OXR1: variants seen among roughly 807,000 people sequenced by gnomAD.
OXR1 encodes oxidation resistance protein 1.
A neutral mutation model predicts 104.6 loss-of-function variants in OXR1; 41 were observed. The observed-to-expected ratio is 0.39, with a 90% CI of 0.31 to 0.51. The LOEUF (loss-of-function observed/expected upper bound fraction) is 0.51. OXR1 is among the 20% of genes least tolerant of loss of function. The pLI is 0.77. For missense variants in OXR1, 955 were observed against 1,031.9 expected (o/e 0.93, Z 1.02); for synonymous variants, 348 against 348.4 (o/e 1.00, Z 0.01).
At chr8:106,367,358 C>G (rs115521624) in intron 2 of OXR1, among the ~76,000 whole-genome samples, 7,937 of 151,964 alleles carry the variant, frequency 0.052, 658 homozygotes, top group African/African-American at 0.18. Context: ...CCACCACGCC[C>G]GATCTATGTT....
intron 2 of OXR1, among the ~76,000 whole-genome samples, chr8:106,433,388 T>C (rs146299072): frequency 2.6e-5 from 4 of 152,122 alleles, no homozygotes; most frequent in Non-Finnish European, 4.4e-5. Context: ...CAGGAGCAAT[T>C]TGGGGAGGTT....
At chr8:106,530,256 G>C (rs1211097444) in intron 3 of OXR1, among the ~76,000 whole-genome samples, 1 of 151,572 alleles carries the variant, frequency 6.6e-6, no homozygotes. Flanking sequence ...TTTTTAATTT[G>C]CTTTTCTTCC....
intron 2 of OXR1, among the ~76,000 whole-genome samples, chr8:106,418,190 T>C (rs1389038848): frequency 6.6e-6 from 1 of 152,160 alleles, no homozygotes; most frequent in Non-Finnish European, 1.5e-5. Flanking sequence ...TGTGTTATTG[T>C]CAAAGAATGA....
intron 2 of OXR1, 80 bp from the exon 3 acceptor site, chr8:106,518,863 T>G: frequency 9.6e-7 from 1 of 1,044,416 alleles, no homozygotes. Context: ...ATAACTCAAT[T>G]GTTGAAAAAA....
intron 3 of OXR1, among the ~76,000 whole-genome samples, chr8:106,528,989 T>A (rs1381036948): frequency 6.6e-6 from 1 of 152,236 alleles, no homozygotes; most frequent in Admixed American, 6.5e-5. Flanking sequence ...GTTTGATGGC[T>A]TTTTACATTT....
chr8:106,457,070 A>G (rs1820635919), intron 2 of OXR1, among the ~76,000 whole-genome samples: 1 of 152,192 alleles, frequency 6.6e-6, no homozygotes, highest in Non-Finnish European at 1.5e-5. Flanking sequence ...ATGCCTACTT[A>G]TCTATTAAAG....
At chr8:106,477,451 A>C (rs1438979308) in intron 2 of OXR1, among the ~76,000 whole-genome samples, 1 of 151,962 alleles carries the variant, frequency 6.6e-6, no homozygotes, top group Admixed American at 6.6e-5. Context: ...TGAATACTGC[A>C]TCTTTATGTT....
intron 2 of OXR1, among the ~76,000 whole-genome samples, chr8:106,505,679 G>C (rs1586733208): frequency 6.6e-6 from 1 of 152,312 alleles, no homozygotes; most frequent in East Asian, 1.9e-4. Context: ...GAGCATTCCA[G>C]GTGGAGGTAA....
At chr8:106,505,422 T>C (rs1812093819) in intron 2 of OXR1, among the ~76,000 whole-genome samples, 1 of 152,172 alleles carries the variant, frequency 6.6e-6, no homozygotes, top group Non-Finnish European at 1.5e-5. Context: ...TGAAGTGACT[T>C]CTAAAAGACA....
intron 7 of OXR1, among the ~76,000 whole-genome samples, chr8:106,694,467 A>T (rs1204327460): frequency 8.3e-6 from 1 of 120,600 alleles, no homozygotes; most frequent in Non-Finnish European, 1.6e-5. Context: ...TGATATATAA[A>T]TATATTTATA....
intron 1 of OXR1, among the ~76,000 whole-genome samples, chr8:106,319,563 T>G (rs1354408672): frequency 6.6e-6 from 1 of 152,214 alleles, no homozygotes; most frequent in Non-Finnish European, 1.5e-5. Flanking sequence ...AAAAGCCCTT[T>G]TTGTTGTGAA....
At chr8:106,575,837 A>G (rs1258933251) in intron 3 of OXR1, among the ~76,000 whole-genome samples, 1 of 152,124 alleles carries the variant, frequency 6.6e-6, no homozygotes, top group Non-Finnish European at 1.5e-5. Context: ...TTAATTCTTA[A>G]CCTAGATAAA....
intron 7 of OXR1, among the ~76,000 whole-genome samples, chr8:106,693,715 G>A (rs1829548301): frequency 6.6e-6 from 1 of 152,084 alleles, no homozygotes. Context: ...ACAGGTGTGA[G>A]CCACCGCACC....
chr8:106,447,891 G>A (rs1757435048), intron 2 of OXR1: 4 of 1,500,942 alleles, frequency 2.7e-6, no homozygotes, highest in Middle Eastern at 2.3e-4. Context: ...CCCCCCAACA[G>A]CCGGGCTCCT....
intron 2 of OXR1, among the ~76,000 whole-genome samples, chr8:106,390,387 A>T (rs758610106): frequency 3.9e-5 from 6 of 152,208 alleles, no homozygotes; most frequent in Non-Finnish European, 5.9e-5. Flanking sequence ...TTACACTTAT[A>T]TAATGCTTTC....
intron 1 of OXR1, among the ~76,000 whole-genome samples, chr8:106,359,041 G>A (rs1034948083): frequency 7.3e-6 from 1 of 137,528 alleles, no homozygotes; most frequent in African/African-American, 3.1e-5. Flanking sequence ...TTGTGTCATG[G>A]AATTCTTTTC....
chr8:106,557,642 C>T (rs948781768), intron 3 of OXR1, among the ~76,000 whole-genome samples: 6 of 151,842 alleles, frequency 4.0e-5, no homozygotes, highest in African/African-American at 7.3e-5. Flanking sequence ...ACATAGGATA[C>T]TCTGGCAACA....
Position 106,519,094 on chromosome 8 carries a change from A to C in OXR1, c.175A>C (p.Lys59Gln). Residue 59 changes from lysine (K) to glutamine (Q), a missense_variant, in exon 3 of 17, where the codon AAA (lysine) becomes CAA (glutamine). By Grantham distance (53) the Lys-to-Gln change is moderately conservative. This residue lies in a region of OXR1 where 849 missense variants were observed against 852.9 expected (regional missense o/e 1.00). Transcript: ENST00000517566. ...GCAGAACAATGCAGCAAATACTCAGAAACATCCTTCCAGAAGGAGCGAACT... is the reference window on the plus strand; with the variant it reads ...GCAGAACAATGCAGCAAATACTCAGCAACATCCTTCCAGAAGGAGCGAACT... ...EEQNNAANTQ[K>Q]HPSRRSELKR... 1 of 1,552,246 alleles carries C rather than the reference A, an allele frequency of 6.4e-7. No homozygotes were observed. Among genetic ancestry groups the C allele is most frequent in the Non-Finnish European group, 8.7e-7 (1 of 1,147,086 alleles).
At chr8:106,585,078 C>T (rs577760526) in intron 3 of OXR1, among the ~76,000 whole-genome samples, 15 of 152,250 alleles carry the variant, frequency 9.9e-5, no homozygotes, top group African/African-American at 3.6e-4. Flanking sequence ...ATAAACTCAA[C>T]TTGAATAATG....
Sources: gnomAD v4.1 joint callset for allele counts (sites outside exome capture counted in the v4.1 genomes callset) on GRCh38, gnomAD v4.1.1 for gene constraint, gnomAD v4.1.1 regional missense constraint, MANE v1.5 for transcripts, NCBI Gene and HGNC (gene_info 2026-07-23, HGNC 2026-07-21) for gene names.